Variants in ITGA9 observed in about 807,000 individuals in gnomAD.
ITGA9 encodes integrin alpha-9.
In ITGA9, 56 loss-of-function variants were observed where a neutral mutation model predicts 127.8. That is an observed-to-expected ratio of 0.44 (90% CI 0.35 to 0.55). The LOEUF (loss-of-function observed/expected upper bound fraction) is 0.55, where lower values mean the gene tolerates loss of function less well. Ranked by LOEUF, ITGA9 falls within the 20% of genes least tolerant of loss-of-function variation. The pLI, the probability that ITGA9 is intolerant of heterozygous loss-of-function variation, is 0.00. For missense variants in ITGA9, 1,196 were observed against 1,347.1 expected, an observed-to-expected ratio of 0.89 and a Z score of 1.76; for synonymous variants, 508 against 514.5, an observed-to-expected ratio of 0.99 and a Z score of 0.17.
chr3:37,666,629 G>A (rs1460672545), intron 17 of ITGA9, among the ~76,000 whole-genome samples: 3 of 152,242 alleles, frequency 2.0e-5, no homozygotes, highest in Non-Finnish European at 4.4e-5. Context: ...AAAATGGAGA[G>A]CAGCAGTGCA....
chr3:37,652,571 C>T (rs1018316717), intron 16 of ITGA9, among the ~76,000 whole-genome samples: 3 of 152,118 alleles, frequency 2.0e-5, no homozygotes, highest in East Asian at 1.9e-4. Flanking sequence ...TCTGTCTGGT[C>T]GAGTCTAGAC....
intron 18 of ITGA9, among the ~76,000 whole-genome samples, chr3:37,690,464 A>G (rs1016539944): frequency 4.6e-5 from 7 of 152,194 alleles, no homozygotes; most frequent in African/African-American, 1.7e-4. Context: ...GGATTTCTGC[A>G]CTCATGCATG....
At position 37,786,564 on chromosome 3, in the gene ITGA9, G is replaced by T. The variant is rs567878888; in HGVS notation, c.2889+1486G>T. ...GCCAAGATCATGCCACTCTGCTCCA[G>T]CCTGGGCAACGGAGTAAGACTCCGT... On this transcript the variant is annotated intron_variant, in intron 26 of 27. Coordinates refer to ENST00000264741, the MANE Select transcript of ITGA9 (RefSeq NM_002207.3). 2.6e-4 allele frequency among the ~76,000 whole-genome samples: 39 copies of T among 152,052 alleles called. No individual in the cohort carries two copies. The South Asian group carries it at 6.9e-3, about 27-fold the overall frequency.
intron 8 of ITGA9, among the ~76,000 whole-genome samples, chr3:37,510,593 C>T (rs1026322434): frequency 6.6e-6 from 1 of 152,058 alleles, no homozygotes; most frequent in Non-Finnish European, 1.5e-5. Flanking sequence ...CTTTGAGAAC[C>T]CACTTGTCTA....
chr3:37,708,674 C>CCCACAACAAGGA (rs1701039258), intron 18 of ITGA9, among the ~76,000 whole-genome samples: 1 of 152,314 alleles, frequency 6.6e-6, no homozygotes. Context: ...GACAGCTCCC[C>CCCACAACAAGGA]ATACAACAAA....
chr3:37,562,593 C>T (rs1328406661), intron 15 of ITGA9, among the ~76,000 whole-genome samples: 2 of 152,210 alleles, frequency 1.3e-5, no homozygotes, highest in East Asian at 3.9e-4. Flanking sequence ...TTCATTCTTT[C>T]CTGTTAGCCA....
At position 37,597,158 on chromosome 3, in the gene ITGA9, G is replaced by T. The variant is rs145065859; in HGVS notation, c.1690-32029G>T. Among the ~76,000 whole-genome samples, 558 of 152,236 alleles carry T rather than the reference G, an allele frequency of 3.7e-3. 3 individuals are homozygous for T. The highest frequency in any genetic ancestry group is 0.013 in the African/African-American group (533 of 41,528). Reference sequence around the variant, plus strand: ...GAAATTTGGAGTTTTTCACTAATACGCAGGACTGGTCATTTTGATACTGAA... The same window carrying T: ...GAAATTTGGAGTTTTTCACTAATACTCAGGACTGGTCATTTTGATACTGAA... On this transcript the variant is annotated intron_variant, in intron 15 of 27. Coordinates refer to ENST00000264741, the MANE Select transcript of ITGA9 (RefSeq NM_002207.3). This position sits in a 1 kb window ranked among gnomAD's most constrained non-coding sequence, Gnocchi z 4.6.
chr3:37,648,820 A>C (rs1031405141), intron 16 of ITGA9, among the ~76,000 whole-genome samples: 2 of 152,176 alleles, frequency 1.3e-5, no homozygotes, highest in Non-Finnish European at 2.9e-5. Context: ...TGATGAGTAA[A>C]TAGCTTTTAT....
intron 10 of ITGA9, 27 bp from the exon 11 acceptor site, chr3:37,519,233 A>G (rs1250243987): frequency 3.2e-6 from 5 of 1,574,736 alleles, no homozygotes; most frequent in Non-Finnish European, 3.5e-6. Flanking sequence ...GTGGCTTTTT[A>G]ACCCATAGCT....
intron 18 of ITGA9, among the ~76,000 whole-genome samples, chr3:37,684,517 C>G (rs543669017): frequency 6.6e-6 from 1 of 152,158 alleles, no homozygotes; most frequent in Admixed American, 6.5e-5. Context: ...GCTCTGTCAC[C>G]CAGGCTGGAG....
chr3:37,591,392 A>C (rs1392891139), intron 15 of ITGA9, among the ~76,000 whole-genome samples: 3 of 152,146 alleles, frequency 2.0e-5, no homozygotes, highest in African/African-American at 7.2e-5. Flanking sequence ...TGGGGACCCT[A>C]GTGTACCCCA....
intron 5 of ITGA9, among the ~76,000 whole-genome samples, chr3:37,497,665 A>G (rs141390044): frequency 6.6e-4 from 100 of 152,272 alleles, no homozygotes; most frequent in African/African-American, 1.9e-3. Flanking sequence ...TCCTCTCCCC[A>G]TTGAAATGCC....
intron 19 of ITGA9, among the ~76,000 whole-genome samples, chr3:37,733,515 C>CAAA (rs58505517): frequency 2.1e-4 from 17 of 80,378 alleles, no homozygotes; most frequent in East Asian, 4.7e-4. Flanking sequence ...CTCCGTCTCA[C>CAAA]AAAAAAAAAA....
At chr3:37,760,609 C>T (rs991225584) in intron 23 of ITGA9, among the ~76,000 whole-genome samples, 7 of 152,180 alleles carry the variant, frequency 4.6e-5, no homozygotes, top group Admixed American at 4.6e-4. Context: ...GATATGAAGA[C>T]AATTGGCTAT....
rs774223835 is a variant in ITGA9, at chr3:37,471,057, A to T, written c.236A>T (p.Lys79Met). Residue 79 changes from lysine to methionine, a missense_variant, in exon 2 of 28, where the codon AAG (lysine) becomes ATG (methionine). Coordinates refer to ENST00000264741, the MANE Select transcript of ITGA9 (RefSeq NM_002207.3). ...KADSKYSPSV[K>M]SPGAVFKCRV... ...GATTCCAAATACAGCCCTTCAGTGAAGTCTCCTGGGGCTGTGTTTAAGTGC... is the reference window on the plus strand; with the variant it reads ...GATTCCAAATACAGCCCTTCAGTGATGTCTCCTGGGGCTGTGTTTAAGTGC... The T allele has an allele frequency of 9.3e-6, 15 of 1,613,878 alleles. No individual in the cohort carries two copies. In the Admixed American group the frequency reaches 2.5e-4, roughly 27 times the overall value.
At chr3:37,479,573 C>T (rs1164762447) in intron 3 of ITGA9, among the ~76,000 whole-genome samples, 1 of 152,194 alleles carries the variant, frequency 6.6e-6, no homozygotes, top group African/African-American at 2.4e-5. Flanking sequence ...AGAGCCCCCT[C>T]ACTCACTCGG....
intron 26 of ITGA9, chr3:37,791,056 T>C (rs1016038076): frequency 1.2e-4 from 19 of 152,040 alleles, no homozygotes; most frequent in African/African-American, 4.3e-4. Context: ...CGTGCAGCCA[T>C]AAAAAGTTAT....
At chr3:37,805,301 A>G (rs1223259543) in intron 27 of ITGA9, among the ~76,000 whole-genome samples, 1 of 152,064 alleles carries the variant, frequency 6.6e-6, no homozygotes, top group Non-Finnish European at 1.5e-5. Flanking sequence ...CTCCCACCTC[A>G]GCCTCCCAAA....
At chr3:37,697,031 AG>A (rs1700892100) in intron 18 of ITGA9, among the ~76,000 whole-genome samples, 1 of 152,200 alleles carries the variant, frequency 6.6e-6, no homozygotes, top group Admixed American at 6.5e-5. Flanking sequence ...CAAAATGGTC[AG>A]GGAGGTCCCT....
Sources: allele counts gnomAD v4.1 joint callset (sites outside exome capture counted in the v4.1 genomes callset), GRCh38; gene constraint gnomAD v4.1.1; non-coding constraint Gnocchi (gnomAD v3.1); transcripts MANE v1.5; gene names NCBI Gene and HGNC (gene_info 2026-07-23, HGNC 2026-07-21).